Variants in PI3 observed in about 807,000 individuals in gnomAD.
The protein encoded by PI3 is elafin.
In PI3, 4 loss-of-function variants were observed where a neutral mutation model predicts 6.0. The ratio of observed to expected loss-of-function variants is 0.67; its 90% CI spans 0.33 to 1.54. PI3 has a LOEUF of 1.54. Ranked by LOEUF, PI3 falls within the 40% of genes most tolerant of loss-of-function variation. PI3 has a pLI of 0.06. For missense variants in PI3, 149 were observed against 147.6 expected (o/e 1.01, Z -0.05); for synonymous variants, 58 against 56.9 (o/e 1.02, Z -0.09).
chr20:45,175,060 C>A, intron 1 of PI3, 59 bp downstream of exon 1: 1 of 1,385,100 alleles, frequency 7.2e-7, no homozygotes, highest in South Asian at 1.3e-5. Flanking sequence ...CTCTGGGACA[C>A]CCTGGGCCAG....
At chr20:45,175,722 A>T in intron 1 of PI3, 139 bp from the exon 2 acceptor site, 1 of 843,370 alleles carries the variant, frequency 1.2e-6, no homozygotes, top group Non-Finnish European at 1.9e-6. Flanking sequence ...TAGCTCCCAG[A>T]GGTGTACCTT....
chr20:45,175,726 G>A (rs1047941543), intron 1 of PI3, 135 bp from the exon 2 acceptor site: 16 of 893,918 alleles, frequency 1.8e-5, no homozygotes, highest in Non-Finnish European at 2.8e-5. Flanking sequence ...TCCCAGAGGT[G>A]TACCTTCCCT....
At chr20:45,175,246 G>C (rs899315361) in intron 1 of PI3, among the ~76,000 whole-genome samples, 3 of 152,180 alleles carry the variant, frequency 2.0e-5, no homozygotes, top group Admixed American at 2.0e-4. Flanking sequence ...TGTGGCCTTG[G>C]CCTCAGATGT....
chr20:45,175,762 G>T (rs1004096226), intron 1 of PI3, 99 bp from the exon 2 acceptor site: 1 of 1,232,514 alleles, frequency 8.1e-7, no homozygotes. Flanking sequence ...TGAGGATGCT[G>T]CAGTAAGCAG....
At chr20:45,175,405 A>G (rs1982770046) in intron 1 of PI3, among the ~76,000 whole-genome samples, 1 of 152,232 alleles carries the variant, frequency 6.6e-6, no homozygotes, top group Non-Finnish European at 1.5e-5. Context: ...GCCTTCAGGA[A>G]TCATGTTGTT....
Position 45,175,891 on chromosome 20 carries a change from G to T in PI3, c.110G>T (p.Gly37Val). 1 of 1,614,074 alleles carries T rather than the reference G, an allele frequency of 6.2e-7. No homozygotes were observed. Residue 37 changes from glycine (G) to valine (V), a missense_variant, in exon 2 of 3, where the codon GGC becomes GTC. By Grantham distance (109) the Gly-to-Val change is moderately radical. Transcript: ENST00000243924. ...VPVKGQDTVK[G>V]RVPFNGQDPV... ...GTTAAAGGTCAAGACACTGTCAAAG[G>T]CCGTGTTCCATTCAATGGACAAGAT...
At position 45,175,014 on chromosome 20, in the gene PI3, G is replaced by T. The variant is rs769436276; in HGVS notation, c.79+13G>T. On this transcript the variant is annotated intron_variant, in intron 1 of 2. Coordinates refer to ENST00000243924, the MANE Select transcript of PI3 (RefSeq NM_002638.4). ...GCTGTCACGGGAGGTGAGTGAACAGGTGACCTGCTGGGCTGGGTTGGACTA... is the reference window on the plus strand; with the variant it reads ...GCTGTCACGGGAGGTGAGTGAACAGTTGACCTGCTGGGCTGGGTTGGACTA... 7.5e-6 allele frequency: 12 copies of T among 1,606,092 alleles called. No homozygotes were observed. The Admixed American group carries it at 2.0e-4, about 27-fold the overall frequency.
At chr20:45,175,763 C>A (rs766955452) in intron 1 of PI3, 98 bp from the exon 2 acceptor site, 2 of 1,238,750 alleles carry the variant, frequency 1.6e-6, no homozygotes, top group Non-Finnish European at 1.2e-6. Flanking sequence ...GAGGATGCTG[C>A]AGTAAGCAGT....
chr20:45,176,182 A>G lies in PI3; in HGVS notation c.*1+46A>G, dbSNP rs111420017. The G allele has an allele frequency of 6.1e-4, 979 of 1,598,186 alleles. 6 individuals carry two copies. The African/African-American group carries it at 0.012, about 19-fold the overall frequency. ...GAGGAGACCCCTGAAGACACAAAAG[A>G]AGGCTGAGCGGTGGGGAAGCATCCC... On this transcript the variant is annotated intron_variant, in intron 2 of 2. Coordinates refer to ENST00000243924, the MANE Select transcript of PI3 (RefSeq NM_002638.4).
chr20:45,175,894 G>A lies in PI3; in HGVS notation c.113G>A (p.Arg38His), dbSNP rs372966339. ...PVKGQDTVKG[R>H]VPFNGQDPVK... Reference sequence around the variant, plus strand: ...AAAGGTCAAGACACTGTCAAAGGCCGTGTTCCATTCAATGGACAAGATCCC... The same window carrying A: ...AAAGGTCAAGACACTGTCAAAGGCCATGTTCCATTCAATGGACAAGATCCC... The change falls in exon 2 of 3, where the codon CGT (arginine) becomes CAT (histidine). Residue 38 changes from arginine to histidine, a missense_variant. Arg to His is a conservative substitution (Grantham distance 29). Coordinates refer to ENST00000243924, the MANE Select transcript of PI3 (RefSeq NM_002638.4). 2.5e-5 allele frequency: 40 copies of A among 1,613,954 alleles called. No individual in the cohort carries two copies. Among genetic ancestry groups the A allele is most frequent in the Non-Finnish European group, 3.0e-5 (35 of 1,179,976 alleles).
At chr20:45,175,169 T>G (rs146066040) in intron 1 of PI3, among the ~76,000 whole-genome samples, 168 bp downstream of exon 1, 1,807 of 152,326 alleles carry the variant, frequency 0.012, 21 homozygotes, top group Non-Finnish European at 0.02. Context: ...CTTTGGCTGG[T>G]GGACTCCACG....
Position 45,176,195 on chromosome 20 carries a change from G to C in PI3, c.*1+59G>C, listed in dbSNP as rs1286264153. ...AAGACACAAAAGAAGGCTGAGCGGT[G>C]GGGAAGCATCCCAGGTTGGTGGGAG... On this transcript the variant is annotated intron_variant, in intron 2 of 2. Coordinates refer to ENST00000243924, the MANE Select transcript of PI3 (RefSeq NM_002638.4). 3.3e-5 allele frequency: 52 copies of C among 1,566,034 alleles called. No homozygotes were observed. The Admixed American group carries it at 8.9e-4, about 27-fold the overall frequency.
At position 45,174,919 on chromosome 20, in the gene PI3, C is replaced by G. The variant is rs531785039; in HGVS notation, c.-4C>G. On this transcript the variant is annotated 5_prime_UTR_variant, in exon 1 of 3. Transcript: ENST00000243924. ...AGCTCTTAGCCAAACACCTTCCTGA[C>G]ACCATGAGGGCCAGCAGCTTCTTGA... 1.9e-6 allele frequency: 3 copies of G among 1,610,984 alleles called. No individual in the cohort carries two copies. The highest frequency in any genetic ancestry group is 2.5e-6 in the Non-Finnish European group (3 of 1,178,044).
In PI3 at chr20:45,176,074, G is replaced by T. The variant is rs1425391224; in HGVS notation, c.293G>T (p.Cys98Phe). ...PPNRCLKDTD[C>F]PGIKKCCEGS... ...AACCGCTGCTTGAAAGATACTGACT[G>T]CCCAGGAATCAAGAAGTGCTGTGAA... is the stretch of plus-strand genomic sequence containing the variant. Residue 98 changes from cysteine (C) to phenylalanine (F), a missense_variant, in exon 2 of 3, where the codon TGC becomes TTC. Physicochemically the swap from Cys to Phe is radical, Grantham distance 205. Transcript: ENST00000243924. The T allele has an allele frequency of 6.2e-7, 1 of 1,614,100 alleles. No homozygotes were observed. The highest frequency in any genetic ancestry group is 1.7e-5 in the Admixed American group (1 of 60,020).
intron 1 of PI3, 59 bp from the exon 2 acceptor site, chr20:45,175,802 T>G (rs1221694057): frequency 2.6e-6 from 4 of 1,567,594 alleles, no homozygotes; most frequent in African/African-American, 2.7e-5. Context: ...AGGAAAGACA[T>G]GGCAGCTGAA....
At chr20:45,175,423 C>G (rs576379077) in intron 1 of PI3, among the ~76,000 whole-genome samples, 50 of 152,252 alleles carry the variant, frequency 3.3e-4, no homozygotes, top group South Asian at 1.7e-3. Flanking sequence ...GTTTGAGGAC[C>G]CCCATTTTAT....
Position 45,176,376 on chromosome 20 carries a change from C to T in PI3, c.*8C>T, listed in dbSNP as rs946965553. On this transcript the variant is annotated 3_prime_UTR_variant, in exon 3 of 3. Transcript: ENST00000243924. Reference sequence around the variant, plus strand: ...ATACTCTTCTCTTCCACAGAGGGAGCCGGTCCTTGCTGCACCTGTGCCGTC... The same window carrying T: ...ATACTCTTCTCTTCCACAGAGGGAGTCGGTCCTTGCTGCACCTGTGCCGTC... The T allele has an allele frequency of 5.4e-6, 3 of 559,312 alleles. No individual in the cohort carries two copies. The highest frequency in any genetic ancestry group is 9.6e-6 in the Non-Finnish European group (3 of 313,144). The allele number at this position is 559,312 out of a possible 1,614,324, so 34.6% of individuals were successfully genotyped here. A position where few individuals can be genotyped will look rare whatever the true frequency, so the allele number is the denominator to read the frequency against.
chr20:45,175,804 G>A (rs1982777982), intron 1 of PI3, 57 bp from the exon 2 acceptor site: 4 of 1,571,478 alleles, frequency 2.5e-6, no homozygotes, highest in Non-Finnish European at 2.6e-6. Context: ...GAAAGACATG[G>A]CAGCTGAAGC....
chr20:45,174,945 T>C lies in PI3; in HGVS notation c.23T>C (p.Ile8Thr). The C allele has an allele frequency of 6.2e-7, 1 of 1,613,262 alleles. No homozygotes were observed. Among genetic ancestry groups the C allele is most frequent in the African/African-American group, 1.3e-5 (1 of 75,000 alleles). MRASSFL[I>T]VVVFLIAGTL... ...ACCATGAGGGCCAGCAGCTTCTTGA[T>C]CGTGGTGGTGTTCCTCATCGCTGGG... Residue 8 changes from isoleucine to threonine, a missense_variant, in exon 1 of 3, where the codon ATC becomes ACC. Ile to Thr is a moderately conservative substitution (Grantham distance 89). Coordinates refer to ENST00000243924, the MANE Select transcript of PI3 (RefSeq NM_002638.4).
Sources: allele counts gnomAD v4.1 joint callset (sites outside exome capture counted in the v4.1 genomes callset), GRCh38; gene constraint gnomAD v4.1.1; transcripts MANE v1.5; gene names NCBI Gene and HGNC (gene_info 2026-07-23, HGNC 2026-07-21).